POLK: variants seen among roughly 807,000 people sequenced by gnomAD.
The protein encoded by POLK is polymerase (DNA directed) kappa.
In POLK, 76 loss-of-function variants were observed where a neutral mutation model predicts 94.0. The ratio of observed to expected loss-of-function variants is 0.81; its 90% CI spans 0.67 to 0.98. The LOEUF is 0.98. Ranked by LOEUF, POLK falls within the 50% of genes least tolerant of loss-of-function variation. The pLI is 0.00. For missense variants in POLK, 954 were observed against 1,010.1 expected (o/e 0.94, Z 0.75); for synonymous variants, 349 against 325.4 (o/e 1.07, Z -0.78).
intron 1 of POLK, among the ~76,000 whole-genome samples, chr5:75,519,379 T>G (rs1768465074): frequency 6.6e-6 from 1 of 152,198 alleles, no homozygotes; most frequent in South Asian, 2.1e-4. Context: ...GGGTGAAATA[T>G]TCTATAATGT....
chr5:75,601,401 G>A (rs1019785879), downstream of POLK, among the ~76,000 whole-genome samples: 58 of 152,206 alleles, frequency 3.8e-4, no homozygotes, highest in African/African-American at 1.2e-3. Context: ...TTAATATTGA[G>A]TGTCAACTTG....
chr5:75,609,443 G>A, the POLK span: 1 of 151,892 alleles, frequency 6.6e-6, no homozygotes, highest in Admixed American at 6.6e-5. Context: ...TTTGTAGAGA[G>A]GGGGTCTCAC....
chr5:75,570,749 T>C (rs1771545349), intron 4 of POLK, among the ~76,000 whole-genome samples: 1 of 152,172 alleles, frequency 6.6e-6, no homozygotes, highest in Non-Finnish European at 1.5e-5. Context: ...TTAAAAAGTA[T>C]TAGAAAAACA....
chr5:75,523,182 T>G (rs1259953288), intron 1 of POLK, among the ~76,000 whole-genome samples: 1 of 152,178 alleles, frequency 6.6e-6, no homozygotes, highest in Non-Finnish European at 1.5e-5. Flanking sequence ...TCCAATCTAG[T>G]AAAATTTTTT....
intron 2 of POLK, among the ~76,000 whole-genome samples, chr5:75,550,701 ATCCCACC>A: frequency 6.6e-6 from 1 of 152,322 alleles, no homozygotes; most frequent in Non-Finnish European, 1.5e-5. Flanking sequence ...ATTTGATAAA[ATCCCACC>A]ACTATTCATG....
At chr5:75,537,926 G>A (rs928028630) in intron 1 of POLK, among the ~76,000 whole-genome samples, 12 of 151,542 alleles carry the variant, frequency 7.9e-5, no homozygotes, top group African/African-American at 2.4e-4. Flanking sequence ...GCGCAATCTC[G>A]GCTCACTGCA....
chr5:75,532,314 A>G (rs1769220704), intron 1 of POLK, among the ~76,000 whole-genome samples: 2 of 152,168 alleles, frequency 1.3e-5, no homozygotes, highest in Admixed American at 6.5e-5. Flanking sequence ...TGCCACTTAT[A>G]AATGAGAACA....
intron 1 of POLK, among the ~76,000 whole-genome samples, chr5:75,530,610 A>G (rs953036748): frequency 1.3e-5 from 2 of 151,162 alleles, no homozygotes; most frequent in Non-Finnish European, 2.9e-5. Flanking sequence ...TATATCATGC[A>G]TGTAAAATAC....
chr5:75,588,858 T>C (rs922448219), intron 10 of POLK, among the ~76,000 whole-genome samples: 10 of 152,188 alleles, frequency 6.6e-5, no homozygotes, highest in African/African-American at 1.9e-4. Flanking sequence ...TGGGATTACG[T>C]TGGGCACAGC....
intron 6 of POLK, 39 bp from the exon 7 acceptor site, chr5:75,581,170 T>G (rs752186984): frequency 7.0e-7 from 1 of 1,425,986 alleles, no homozygotes; most frequent in African/African-American, 1.4e-5. Context: ...TATATACTTC[T>G]TAAAATAAAG....
chr5:75,536,670 G>C (rs1304019448), intron 1 of POLK, among the ~76,000 whole-genome samples: 1 of 152,062 alleles, frequency 6.6e-6, no homozygotes, highest in Non-Finnish European at 1.5e-5. Context: ...CCTACCAGCT[G>C]AGTTGCCATA....
chr5:75,562,185 G>A (rs1162849157), intron 3 of POLK, among the ~76,000 whole-genome samples: 1 of 152,122 alleles, frequency 6.6e-6, no homozygotes, highest in Non-Finnish European at 1.5e-5. Flanking sequence ...TTATTTGCAT[G>A]AGCAGTGGTT....
At chr5:75,594,162 T>C (rs1772941566) in intron 12 of POLK, 113 bp downstream of exon 12, 1 of 690,114 alleles carries the variant, frequency 1.4e-6, no homozygotes, top group East Asian at 2.6e-5. Flanking sequence ...TTAATGATTT[T>C]TCAACTTTGC....
chr5:75,570,840 T>C (rs970081426), intron 4 of POLK, among the ~76,000 whole-genome samples: 2 of 152,256 alleles, frequency 1.3e-5, no homozygotes, highest in Non-Finnish European at 2.9e-5. Context: ...GATTATTTTA[T>C]TATAAAACTA....
At chr5:75,564,396 G>A (rs1391210785) in intron 3 of POLK, among the ~76,000 whole-genome samples, 4 of 152,108 alleles carry the variant, frequency 2.6e-5, no homozygotes, top group African/African-American at 9.7e-5. Context: ...GCCAGTCTGT[G>A]TCTTTTAATT....
At chr5:75,603,469 T>C (rs1773346864), downstream of POLK, among the ~76,000 whole-genome samples, 1 of 151,308 alleles carries the variant, frequency 6.6e-6, no homozygotes, top group Non-Finnish European at 1.5e-5. Context: ...CTCAACTGTC[T>C]CCAAGATTTA....
intron 11 of POLK, among the ~76,000 whole-genome samples, chr5:75,592,431 G>A (rs182826108): frequency 6.6e-6 from 1 of 152,206 alleles, no homozygotes; most frequent in Admixed American, 6.5e-5. Flanking sequence ...TTCAGTTGGG[G>A]GGCCAGGCAC....
intron 3 of POLK, among the ~76,000 whole-genome samples, chr5:75,565,778 G>A (rs765168385): frequency 1.6e-4 from 24 of 152,194 alleles, no homozygotes; most frequent in Admixed American, 3.3e-4. Flanking sequence ...GGCACCATCA[G>A]ATGCCAGCTG....
exon 12 of POLK, chr5:75,593,957 C>G (rs1156419023): frequency 6.2e-7 from 1 of 1,606,570 alleles, no homozygotes; most frequent in African/African-American, 1.3e-5. Flanking sequence ...TCTGTTGTTT[C>G]TACTGCAGAA....
Sources: allele counts gnomAD v4.1 joint callset (sites outside exome capture counted in the v4.1 genomes callset), GRCh38; gene constraint gnomAD v4.1.1; transcripts MANE v1.5; gene names NCBI Gene and HGNC (gene_info 2026-07-23, HGNC 2026-07-21).